GPHN: variants seen among roughly 807,000 people sequenced by gnomAD.
The protein encoded by GPHN is gephyrin.
GPHN carries 17 observed loss-of-function variants against 95.5 expected under a neutral mutation model. That is an observed-to-expected ratio of 0.18 (90% CI 0.12 to 0.27). GPHN has a LOEUF of 0.27. GPHN is among the 10% of genes least tolerant of loss of function. The pLI is 1.00. For missense variants in GPHN, 660 were observed against 978.1 expected, an observed-to-expected ratio of 0.67 and a Z score of 4.34; for synonymous variants, 320 against 322.5, an observed-to-expected ratio of 0.99 and a Z score of 0.08.
the GPHN span, among the ~76,000 whole-genome samples, chr14:67,297,532 T>G: frequency 6.6e-6 from 1 of 152,196 alleles, no homozygotes; most frequent in Non-Finnish European, 1.5e-5. Context: ...ACTGAAGAAT[T>G]TTAAACAGAT....
chr14:67,039,527 C>G (rs1410513753), intron 10 of GPHN, among the ~76,000 whole-genome samples: 1 of 152,222 alleles, frequency 6.6e-6, no homozygotes, highest in Non-Finnish European at 1.5e-5. Flanking sequence ...GGTGCAGTGG[C>G]TTGTGCCTGT....
the GPHN span, among the ~76,000 whole-genome samples, chr14:67,464,407 C>T: frequency 5.1e-3 from 769 of 152,140 alleles, 11 homozygotes; most frequent in African/African-American, 0.018. Context: ...ACCCTCTGTC[C>T]ATCACATCCA....
At chr14:67,195,058 G>C in the GPHN span, among the ~76,000 whole-genome samples, 2 of 152,182 alleles carry the variant, frequency 1.3e-5, no homozygotes, top group African/African-American at 4.8e-5. Flanking sequence ...GGGGTGTAGT[G>C]CACAGGTATC....
chr14:67,251,140 TC>T, the GPHN span, among the ~76,000 whole-genome samples: 1 of 152,232 alleles, frequency 6.6e-6, no homozygotes, highest in Non-Finnish European at 1.5e-5. Context: ...TTCTGCTTTG[TC>T]TGTAATATAG....
At chr14:66,579,878 C>T (rs1304068870) in intron 1 of GPHN, among the ~76,000 whole-genome samples, 1 of 151,784 alleles carries the variant, frequency 6.6e-6, no homozygotes, top group Non-Finnish European at 1.5e-5. Flanking sequence ...CTGTACCTAA[C>T]AAACGTATAT....
At chr14:66,837,919 T>C (rs2061920066) in intron 4 of GPHN, among the ~76,000 whole-genome samples, 1 of 152,106 alleles carries the variant, frequency 6.6e-6, no homozygotes, top group African/African-American at 2.4e-5. Context: ...TAAATAAACA[T>C]ACAAGCAAGT....
chr14:67,579,155 C>T, the GPHN span: 1 of 1,605,696 alleles, frequency 6.2e-7, no homozygotes, highest in African/African-American at 1.3e-5. Flanking sequence ...GCCAGTATGC[C>T]ACCTACTGCC....
the GPHN span, chr14:67,593,963 A>G: frequency 8.2e-6 from 13 of 1,579,690 alleles, no homozygotes; most frequent in Admixed American, 1.0e-4. Flanking sequence ...CTGAAGAGAG[A>G]GCCAGACACA....
At chr14:67,098,784 T>C (rs1245448435) in intron 12 of GPHN, among the ~76,000 whole-genome samples, 1 of 148,640 alleles carries the variant, frequency 6.7e-6, no homozygotes, top group African/African-American at 2.5e-5. Flanking sequence ...ATTGTGCCAT[T>C]GCACTCCAGC....
chr14:67,624,839 A>C, the GPHN span, among the ~76,000 whole-genome samples: 1 of 152,202 alleles, frequency 6.6e-6, no homozygotes, highest in Non-Finnish European at 1.5e-5. Flanking sequence ...TTCAAGAAAA[A>C]CATTGAATCT....
the GPHN span, among the ~76,000 whole-genome samples, chr14:67,657,499 C>T: frequency 2.6e-5 from 4 of 152,046 alleles, no homozygotes; most frequent in Non-Finnish European, 5.9e-5. Flanking sequence ...ATACAGACAG[C>T]AGGAAGAAAA....
intron 10 of GPHN, among the ~76,000 whole-genome samples, chr14:67,051,568 C>G (rs1424299616): frequency 6.6e-6 from 1 of 152,192 alleles, no homozygotes. Flanking sequence ...CCCAACCTAG[C>G]AAGATAGGCC....
intron 2 of GPHN, among the ~76,000 whole-genome samples, chr14:66,742,017 A>G (rs2072833780): frequency 6.6e-6 from 1 of 152,098 alleles, no homozygotes; most frequent in Non-Finnish European, 1.5e-5. Context: ...CTTTTCCACA[A>G]TTCCAAGGGA....
intron 5 of GPHN, among the ~76,000 whole-genome samples, chr14:66,902,373 G>A (rs1251986099): frequency 6.6e-6 from 1 of 151,880 alleles, no homozygotes; most frequent in Non-Finnish European, 1.5e-5. Context: ...TCTTTCTCAT[G>A]CCTAATTGCT....
At chr14:67,386,133 A>G in the GPHN span, 2 of 152,650 alleles carry the variant, frequency 1.3e-5, no homozygotes, top group Non-Finnish European at 2.9e-5. Flanking sequence ...AGTTTAATTC[A>G]GATGAACACC....
intron 9 of GPHN, among the ~76,000 whole-genome samples, chr14:66,974,498 T>C (rs1189176564): frequency 6.6e-6 from 1 of 152,116 alleles, no homozygotes; most frequent in African/African-American, 2.4e-5. Flanking sequence ...AAATGTATAA[T>C]TGCCACTCTG....
rs1347404202 is a variant in GPHN, at chr14:66,589,183, T to G, written c.64+80592T>G. Among the ~76,000 whole-genome samples, 4 of 152,248 alleles carry G rather than the reference T, an allele frequency of 2.6e-5. 1 individual carries two copies. The East Asian group carries it at 7.7e-4, about 29-fold the overall frequency. On this transcript the variant is annotated intron_variant, in intron 1 of 22. Transcript: ENST00000478722. ...AAATCCTTTACAGACAAGCAAATGC[T>G]GAGAGATTTTGTCACCACCAGGCCT... is the stretch of plus-strand genomic sequence containing the variant.
intron 4 of GPHN, among the ~76,000 whole-genome samples, chr14:66,847,298 A>G (rs755160791): frequency 6.6e-6 from 1 of 152,164 alleles, no homozygotes; most frequent in South Asian, 2.1e-4. Context: ...CTTTGCCTGC[A>G]TTCATTCTGA....
chr14:67,546,341 A>AT, the GPHN span, among the ~76,000 whole-genome samples: 2 of 152,198 alleles, frequency 1.3e-5, no homozygotes, highest in African/African-American at 4.8e-5. Flanking sequence ...GTTTTTTGGG[A>AT]TTTTTTTAAG....
Sources: allele counts gnomAD v4.1 joint callset (sites outside exome capture counted in the v4.1 genomes callset), GRCh38; gene constraint gnomAD v4.1.1; transcripts MANE v1.5; gene names NCBI Gene and HGNC (gene_info 2026-07-23, HGNC 2026-07-21).